Variants in YAP1 observed in about 807,000 individuals in gnomAD.
YAP1 encodes the protein Yes1 associated transcriptional regulator, also known as transcriptional coactivator YAP1.
Under a neutral mutation model 56.9 loss-of-function variants are expected in YAP1, and 5 were observed. The observed-to-expected ratio is 0.09, with a 90% CI of 0.05 to 0.18. The LOEUF is 0.18. Ranked by LOEUF, YAP1 falls within the 10% of genes least tolerant of loss-of-function variation. YAP1 has a pLI of 1.00. For synonymous variants in YAP1, 265 were observed against 248.1 expected (o/e 1.07, Z -0.64); for missense variants, 539 against 651.8 (o/e 0.83, Z 1.88).
chr11:102,159,871 G>A (rs1256478616), intron 2 of YAP1, among the ~76,000 whole-genome samples: 10 of 152,030 alleles, frequency 6.6e-5, no homozygotes, highest in African/African-American at 2.4e-4. Context: ...TTAAAAGGTT[G>A]GATAGAAATT....
intron 3 of YAP1, among the ~76,000 whole-genome samples, chr11:102,166,195 A>G (rs1276430458): frequency 6.6e-6 from 1 of 152,218 alleles, no homozygotes; most frequent in African/African-American, 2.4e-5. Context: ...AGACAAGTTT[A>G]TATCTGGATT....
intron 2 of YAP1, among the ~76,000 whole-genome samples, chr11:102,115,919 T>C (rs528920315): frequency 6.6e-6 from 1 of 152,356 alleles, no homozygotes; most frequent in South Asian, 2.1e-4. Context: ...AACAGCTTAA[T>C]AGCCTGCTTT....
At chr11:102,144,819 T>TC (rs1344443591) in intron 2 of YAP1, among the ~76,000 whole-genome samples, 1 of 152,040 alleles carries the variant, frequency 6.6e-6, no homozygotes, top group African/African-American at 2.4e-5. Context: ...TCGATGTAGT[T>TC]ATGCAATATA....
chr11:102,143,877 A>G (rs568950013), intron 2 of YAP1, among the ~76,000 whole-genome samples: 4 of 152,360 alleles, frequency 2.6e-5, no homozygotes, highest in East Asian at 3.9e-4. Context: ...AACCTCCTTA[A>G]TGGAACTGTC....
intron 3 of YAP1, among the ~76,000 whole-genome samples, chr11:102,175,650 A>G (rs996604775): frequency 5.9e-5 from 9 of 152,318 alleles, no homozygotes; most frequent in South Asian, 4.1e-4. Context: ...CATAGACTCA[A>G]TGATACAGCT....
At chr11:102,172,300 ATTTTTTTTTTT>A (rs752185861) in intron 3 of YAP1, among the ~76,000 whole-genome samples, 25 of 110,838 alleles carry the variant, frequency 2.3e-4, no homozygotes, top group Admixed American at 1.1e-3. Context: ...ACAGTGAAGA[ATTTTTTTTTTT>A]TTTTTTTTTT....
At chr11:102,133,255 C>G (rs1944473470) in intron 2 of YAP1, among the ~76,000 whole-genome samples, 1 of 152,150 alleles carries the variant, frequency 6.6e-6, no homozygotes, top group African/African-American at 2.4e-5. Flanking sequence ...TTACTAAGCT[C>G]TAGGATTTTA....
At chr11:102,162,376 T>A (rs1946343452) in intron 2 of YAP1, 80 bp from the exon 3 acceptor site, 1 of 1,256,796 alleles carries the variant, frequency 8.0e-7, no homozygotes, top group East Asian at 2.3e-5. Flanking sequence ...TTGGCACCCT[T>A]TGATTATGAG....
intron 3 of YAP1, among the ~76,000 whole-genome samples, chr11:102,167,566 C>T (rs1946679012): frequency 6.6e-6 from 1 of 152,136 alleles, no homozygotes; most frequent in African/African-American, 2.4e-5. Context: ...AACCCCGTCT[C>T]CACTAAAGAT....
At chr11:102,170,288 T>G (rs1024122906) in intron 3 of YAP1, among the ~76,000 whole-genome samples, 1 of 152,248 alleles carries the variant, frequency 6.6e-6, no homozygotes, top group African/African-American at 2.4e-5. Flanking sequence ...TATGCTGAGA[T>G]GTGGGTATAT....
intron 7 of YAP1, among the ~76,000 whole-genome samples, chr11:102,224,260 C>T (rs757340990): frequency 4.6e-5 from 7 of 152,126 alleles, no homozygotes; most frequent in Non-Finnish European, 4.4e-5. Context: ...CTAAGATTAA[C>T]GGCAGTATTT....
At chr11:102,126,585 G>GT (rs1309599285) in intron 2 of YAP1, among the ~76,000 whole-genome samples, 3 of 152,198 alleles carry the variant, frequency 2.0e-5, no homozygotes, top group Non-Finnish European at 4.4e-5. Context: ...ATGTGGAGTT[G>GT]TAAGTCCAAT....
chr11:102,144,923 C>T (rs1025303400), intron 2 of YAP1, among the ~76,000 whole-genome samples: 3 of 151,904 alleles, frequency 2.0e-5, no homozygotes, highest in Non-Finnish European at 4.4e-5. Flanking sequence ...CACACTTATT[C>T]TGTCTCTCTC....
chr11:102,204,532 G>T (rs928659943), intron 4 of YAP1, among the ~76,000 whole-genome samples: 1 of 152,182 alleles, frequency 6.6e-6, no homozygotes, highest in Non-Finnish European at 1.5e-5. Flanking sequence ...AATTCCTTGA[G>T]AGAAGAAAAT....
chr11:102,142,042 A>G (rs576820555), intron 2 of YAP1, among the ~76,000 whole-genome samples: 8 of 152,222 alleles, frequency 5.3e-5, no homozygotes, highest in Non-Finnish European at 1.2e-4. Flanking sequence ...TTGTATTTGC[A>G]GTGTTTTTCA....
intron 2 of YAP1, among the ~76,000 whole-genome samples, chr11:102,156,354 CTG>C (rs1271231463): frequency 6.6e-6 from 1 of 152,234 alleles, no homozygotes; most frequent in African/African-American, 2.4e-5. Context: ...CCTGAAATAA[CTG>C]TTGTTATTCA....
At chr11:102,157,110 G>T (rs1244100930) in intron 2 of YAP1, among the ~76,000 whole-genome samples, 1 of 152,114 alleles carries the variant, frequency 6.6e-6, no homozygotes, top group Non-Finnish European at 1.5e-5. Flanking sequence ...TTCAGTGATA[G>T]CTTAATTATT....
chr11:102,129,841 C>T (rs1944270377), intron 2 of YAP1, among the ~76,000 whole-genome samples: 2 of 149,446 alleles, frequency 1.3e-5, no homozygotes, highest in African/African-American at 2.5e-5. Flanking sequence ...GCTCTGTCAC[C>T]CAGGCTGGAG....
At chr11:102,202,252 C>A (rs112969730) in intron 4 of YAP1, among the ~76,000 whole-genome samples, 2,064 of 151,802 alleles carry the variant, frequency 0.014, 59 homozygotes, top group African/African-American at 0.047. Flanking sequence ...CTCTGTCTGC[C>A]TCCTGGGTTC....
Sources: allele counts gnomAD v4.1 joint callset (sites outside exome capture counted in the v4.1 genomes callset), GRCh38; gene constraint gnomAD v4.1.1; transcripts MANE v1.5; gene names NCBI Gene and HGNC (gene_info 2026-07-23, HGNC 2026-07-21).